DMXL1: variants seen among roughly 807,000 people sequenced by gnomAD.
The protein encoded by DMXL1 is dmX-like protein 1.
In DMXL1, 99 loss-of-function variants were observed where a neutral mutation model predicts 319.2. The ratio of observed to expected loss-of-function variants is 0.31; its 90% CI spans 0.26 to 0.37. The LOEUF (loss-of-function observed/expected upper bound fraction) is 0.37, where lower values mean the gene tolerates loss of function less well. Among genes scored for constraint, DMXL1 ranks in the 10% least tolerant of loss-of-function variants. The pLI is 1.00. For missense variants in DMXL1, 3,745 were observed against 3,595.6 expected (o/e 1.04, Z -1.06); for synonymous variants, 1,385 against 1,235.2 (o/e 1.12, Z -2.54).
intron 7 of DMXL1, among the ~76,000 whole-genome samples, chr5:119,117,896 C>T (rs1239194071): frequency 6.6e-6 from 1 of 152,320 alleles, no homozygotes; most frequent in East Asian, 1.9e-4. Context: ...CTTTAACTCA[C>T]TGAGTTACTG....
At chr5:119,122,139 G>C (rs1164845414) in intron 9 of DMXL1, among the ~76,000 whole-genome samples, 2 of 121,962 alleles carry the variant, frequency 1.6e-5, no homozygotes, top group Non-Finnish European at 3.4e-5. Flanking sequence ...GCGGGGGGCT[G>C]ACCCCCCCAC....
intron 9 of DMXL1, among the ~76,000 whole-genome samples, chr5:119,126,344 C>T (rs751103061): frequency 6.6e-6 from 1 of 152,016 alleles, no homozygotes; most frequent in Non-Finnish European, 1.5e-5. Context: ...TTGAATGGAA[C>T]GTTTATATTA....
intron 9 of DMXL1, among the ~76,000 whole-genome samples, chr5:119,125,185 G>C (rs922794239): frequency 9.2e-5 from 14 of 152,108 alleles, no homozygotes; most frequent in African/African-American, 3.4e-4. Context: ...CAAAAATAGA[G>C]AACTACAATA....
At chr5:119,160,495 AG>A (rs1297654823) in intron 19 of DMXL1, among the ~76,000 whole-genome samples, 2 of 152,246 alleles carry the variant, frequency 1.3e-5, no homozygotes, top group Admixed American at 6.5e-5. Flanking sequence ...TGCACAAAAA[AG>A]AATGCGTATT....
At chr5:119,077,878 GAT>G (rs548958640) in intron 1 of DMXL1, among the ~76,000 whole-genome samples, 3 of 94,476 alleles carry the variant, frequency 3.2e-5, no homozygotes, top group Non-Finnish European at 6.5e-5. Context: ...TGTGTGTGTA[GAT>G]ATATATACAC....
chr5:119,226,446 C>G (rs1429758840), intron 38 of DMXL1, among the ~76,000 whole-genome samples: 1 of 152,058 alleles, frequency 6.6e-6, no homozygotes, highest in African/African-American at 2.4e-5. Context: ...TCTTAAAGAA[C>G]TTTTTAGAAG....
chr5:119,239,121 G>A, intron 41 of DMXL1, 41 bp downstream of exon 41: 1 of 1,601,558 alleles, frequency 6.2e-7, no homozygotes, highest in Non-Finnish European at 8.5e-7. Context: ...AGAAAGTATA[G>A]CTGAACTTTT....
intron 34 of DMXL1, among the ~76,000 whole-genome samples, chr5:119,209,909 T>G (rs754277609): frequency 9.9e-5 from 15 of 152,222 alleles, no homozygotes; most frequent in Non-Finnish European, 2.2e-4. Context: ...AAATGTGATT[T>G]GCAAATATTT....
intron 17 of DMXL1, 118 bp downstream of exon 17, chr5:119,147,588 A>C: frequency 1.5e-6 from 1 of 659,148 alleles, no homozygotes; most frequent in South Asian, 2.1e-5. Flanking sequence ...TGGAAATAAT[A>C]TATTCAAGTA....
rs565600753 is a variant in DMXL1, at chr5:119,185,615, A to G, written c.7136-4093A>G. 1.3e-4 allele frequency among the ~76,000 whole-genome samples: 19 copies of G among 151,916 alleles called. No homozygotes were observed. In the South Asian group the frequency reaches 4.0e-3, roughly 32 times the overall value. On this transcript the variant is annotated intron_variant, in intron 28 of 43. Transcript: ENST00000539542. ...CCTCCCAGGTTCAGGTGATTCTTGT[A>G]CCTCAGCTTCCCAAGCAGCTGGGAC...
Position 119,237,328 on chromosome 5 carries a change from A to T in DMXL1, c.8473A>T (p.Ile2825Leu). The T allele has an allele frequency of 6.4e-7, 1 of 1,572,428 alleles. No homozygotes were observed. The highest frequency in any genetic ancestry group is 8.7e-7 in the Non-Finnish European group (1 of 1,149,668). Residue 2825 changes from isoleucine to leucine, a missense_variant, in exon 40 of 44, where the codon ATA (isoleucine) becomes TTA (leucine). Ile to Leu is a conservative substitution (Grantham distance 5, BLOSUM62 2). This residue lies in a region of DMXL1 where 262 missense variants were observed against 320.5 expected (regional missense o/e 0.82). Transcript: ENST00000539542. Reference protein sequence around the residue: ...RFNYQGNKFGIVDADGYLSLY... With the variant: ...RFNYQGNKFGLVDADGYLSLY... ...AATATTTTCTTTCTCTAAGTTTGGA[A>T]TAGTTGATGCTGATGGATATTTAAG...
chr5:119,188,252 G>A (rs1348090526), intron 28 of DMXL1, among the ~76,000 whole-genome samples: 1 of 151,608 alleles, frequency 6.6e-6, no homozygotes, highest in Admixed American at 6.6e-5. Context: ...ATACTTCTTG[G>A]TTCACATGCT....
intron 38 of DMXL1, among the ~76,000 whole-genome samples, chr5:119,232,645 C>T (rs529264890): frequency 1.3e-5 from 2 of 151,980 alleles, no homozygotes; most frequent in Admixed American, 6.6e-5. Flanking sequence ...AATGGCAAAG[C>T]GAAGAATCAA....
intron 9 of DMXL1, among the ~76,000 whole-genome samples, chr5:119,123,892 C>A: frequency 6.8e-6 from 1 of 147,464 alleles, no homozygotes; most frequent in Non-Finnish European, 1.5e-5. Context: ...CAGACACCAA[C>A]ATGATCCAGG....
At chr5:119,132,977 T>G (rs991827407) in intron 10 of DMXL1, 155 bp from the exon 11 acceptor site, 41 of 678,460 alleles carry the variant, frequency 6.0e-5, no homozygotes, top group Non-Finnish European at 9.8e-5. Context: ...TAAAGAGATG[T>G]GTAGGGTGAG....
intron 34 of DMXL1, among the ~76,000 whole-genome samples, chr5:119,208,640 G>T (rs1016824193): frequency 6.6e-6 from 1 of 151,910 alleles, no homozygotes; most frequent in Non-Finnish European, 1.5e-5. Flanking sequence ...TGAGGGGAGG[G>T]TTAACATCAT....
At chr5:119,172,100 A>C (rs1187861500) in intron 25 of DMXL1, 131 bp downstream of exon 25, 1 of 793,840 alleles carries the variant, frequency 1.3e-6, no homozygotes, top group African/African-American at 1.8e-5. Context: ...TGCCAAGTTT[A>C]TGTTGATTCC....
chr5:119,102,182 T>G, intron 3 of DMXL1, 176 bp downstream of exon 3: 1 of 426,886 alleles, frequency 2.3e-6, no homozygotes, highest in Non-Finnish European at 4.2e-6. Flanking sequence ...GGAATAGAAC[T>G]AAAATAAATT....
At chr5:119,144,058 A>G (rs577643716) in intron 14 of DMXL1, 128 bp downstream of exon 14, 1 of 584,604 alleles carries the variant, frequency 1.7e-6, no homozygotes, top group Admixed American at 3.0e-5. Context: ...TAATTAACTC[A>G]TCACATAATA....
Sources: gnomAD v4.1 joint callset for allele counts (sites outside exome capture counted in the v4.1 genomes callset) on GRCh38, gnomAD v4.1.1 for gene constraint, gnomAD v4.1.1 regional missense constraint, MANE v1.5 for transcripts, NCBI Gene and HGNC (gene_info 2026-07-23, HGNC 2026-07-21) for gene names.